The following ABTB3 variants were observed in gnomAD, a reference collection of about 807,000 sequenced individuals.
ABTB3 encodes the protein ankyrin repeat- and BTB/POZ domain-containing protein 3.
At chr12:107,326,116 G>T in the ABTB3 span, among the ~76,000 whole-genome samples, 1 of 152,132 alleles carries the variant, frequency 6.6e-6, no homozygotes, top group African/African-American at 2.4e-5. Context: ...TGCTGGCCAG[G>T]CTGGTTTCGA....
chr12:107,581,803 C>T, the ABTB3 span, among the ~76,000 whole-genome samples: 3 of 152,162 alleles, frequency 2.0e-5, no homozygotes, highest in Admixed American at 6.5e-5. Context: ...CAGGGGCCCC[C>T]ATGCGTGGGT....
At chr12:107,455,772 C>T in the ABTB3 span, among the ~76,000 whole-genome samples, 2 of 152,186 alleles carry the variant, frequency 1.3e-5, no homozygotes, top group Non-Finnish European at 2.9e-5. Context: ...GGTCAGCTGG[C>T]TGCAGGCTGG....
the ABTB3 span, among the ~76,000 whole-genome samples, chr12:107,620,698 C>T: frequency 6.6e-6 from 1 of 152,250 alleles, no homozygotes; most frequent in Admixed American, 6.5e-5. Context: ...AAGGCTTTTC[C>T]GGTCGAGAGG....
the ABTB3 span, chr12:107,640,278 T>A: frequency 7.7e-7 from 1 of 1,299,574 alleles, no homozygotes; most frequent in Non-Finnish European, 1.1e-6. Flanking sequence ...TTTTTTCCAC[T>A]AAAGCTACCT....
the ABTB3 span, among the ~76,000 whole-genome samples, chr12:107,428,098 C>T: frequency 1.3e-5 from 2 of 152,194 alleles, no homozygotes; most frequent in Non-Finnish European, 2.9e-5. Context: ...CTTTGACTCT[C>T]GCAGCATCTC....
chr12:107,319,197 A>G, the ABTB3 span: 1 of 1,594,208 alleles, frequency 6.3e-7, no homozygotes, highest in African/African-American at 1.3e-5. Flanking sequence ...GCCGGCCAGC[A>G]CTGCTCGCGG....
At chr12:107,630,789 A>G in the ABTB3 span, among the ~76,000 whole-genome samples, 9 of 152,114 alleles carry the variant, frequency 5.9e-5, no homozygotes, top group Non-Finnish European at 1.2e-4. Context: ...AAAAATTGAG[A>G]AGATAGTACA....
chr12:107,470,032 C>CTT, the ABTB3 span, among the ~76,000 whole-genome samples: 1 of 132,360 alleles, frequency 7.6e-6, no homozygotes, highest in Non-Finnish European at 1.6e-5. Flanking sequence ...CTCTCTCTCT[C>CTT]TCTTTCTTTC....
the ABTB3 span, among the ~76,000 whole-genome samples, chr12:107,456,999 G>A: frequency 1.3e-5 from 2 of 151,950 alleles, no homozygotes; most frequent in African/African-American, 4.8e-5. Context: ...AGCTGGGACT[G>A]CAGGCACCCG....
At chr12:107,525,429 TTAGA>T in the ABTB3 span, among the ~76,000 whole-genome samples, 9 of 152,036 alleles carry the variant, frequency 5.9e-5, no homozygotes, top group Admixed American at 1.3e-4. Flanking sequence ...TTAGGTATGC[TTAGA>T]TACACAAGTA....
chr12:107,343,606 GC>G, the ABTB3 span, among the ~76,000 whole-genome samples: 1 of 152,146 alleles, frequency 6.6e-6, no homozygotes, highest in Admixed American at 6.5e-5. Context: ...AGGCAGGTAG[GC>G]AGTCCAAAGC....
At chr12:107,433,329 A>G in the ABTB3 span, among the ~76,000 whole-genome samples, 6 of 150,918 alleles carry the variant, frequency 4.0e-5, no homozygotes, top group East Asian at 1.2e-3. Flanking sequence ...AAAAAAGACA[A>G]GAAGAGCAGA....
At chr12:107,542,665 G>C in the ABTB3 span, among the ~76,000 whole-genome samples, 1 of 152,094 alleles carries the variant, frequency 6.6e-6, no homozygotes, top group Admixed American at 6.5e-5. Flanking sequence ...CTCCCCAAAA[G>C]CTTACTACTA....
the ABTB3 span, among the ~76,000 whole-genome samples, chr12:107,447,423 T>G: frequency 6.6e-6 from 1 of 152,154 alleles, no homozygotes; most frequent in Non-Finnish European, 1.5e-5. Flanking sequence ...ATTACAGGCT[T>G]GAGCTACCTT....
chr12:107,641,415 T>A, the ABTB3 span, among the ~76,000 whole-genome samples: 1 of 152,216 alleles, frequency 6.6e-6, no homozygotes, highest in African/African-American at 2.4e-5. Context: ...GCAACTCTTC[T>A]GTAAATCTAT....
the ABTB3 span, among the ~76,000 whole-genome samples, chr12:107,360,029 C>G: frequency 1.3e-5 from 2 of 152,090 alleles, no homozygotes; most frequent in African/African-American, 2.4e-5. Context: ...AGGTGCCCAC[C>G]ACGTGCCCAA....
At chr12:107,543,575 G>C in the ABTB3 span, among the ~76,000 whole-genome samples, 1 of 152,140 alleles carries the variant, frequency 6.6e-6, no homozygotes, top group Non-Finnish European at 1.5e-5. Flanking sequence ...TGTGACTACA[G>C]TTAAAGCAGT....
the ABTB3 span, among the ~76,000 whole-genome samples, chr12:107,478,510 A>G: frequency 6.6e-6 from 1 of 152,236 alleles, no homozygotes; most frequent in Non-Finnish European, 1.5e-5. Flanking sequence ...TGATGAACAA[A>G]TTAATAACTA....
chr12:107,435,664 C>T, the ABTB3 span, among the ~76,000 whole-genome samples: 7 of 152,162 alleles, frequency 4.6e-5, no homozygotes, highest in South Asian at 1.0e-3. Context: ...TGAGCTGATA[C>T]CCCTTGCTTA....
Sources: allele counts gnomAD v4.1 joint callset (sites outside exome capture counted in the v4.1 genomes callset), GRCh38; gene constraint gnomAD v4.1.1; transcripts MANE v1.5; gene names NCBI Gene and HGNC (gene_info 2026-07-23, HGNC 2026-07-21).